The following CERS6 variants were observed in gnomAD, a reference collection of about 807,000 sequenced individuals.
CERS6 encodes the protein ceramide synthase 6.
In CERS6, 26 loss-of-function variants were observed where a neutral mutation model predicts 56.8. The observed-to-expected ratio is 0.46, with a 90% CI of 0.34 to 0.63. The LOEUF is 0.63. CERS6 is among the 30% of genes least tolerant of loss of function. The probability of loss-of-function intolerance (pLI) is 0.01; values close to 1 mark genes in which losing one functional copy is unlikely to be tolerated. For missense variants in CERS6, 415 were observed against 467.5 expected, an observed-to-expected ratio of 0.89 and a Z score of 1.04; for synonymous variants, 164 against 173.3, an observed-to-expected ratio of 0.95 and a Z score of 0.42.
chr2:168,638,086 T>C (rs190886879), intron 4 of CERS6, among the ~76,000 whole-genome samples: 1 of 152,270 alleles, frequency 6.6e-6, no homozygotes, highest in East Asian at 1.9e-4. Flanking sequence ...CAGCTGTTTA[T>C]GTTTGCCTAG....
At chr2:168,729,416 A>T (rs1683451326) in intron 8 of CERS6, among the ~76,000 whole-genome samples, 1 of 152,148 alleles carries the variant, frequency 6.6e-6, no homozygotes, top group South Asian at 2.1e-4. Context: ...CTCCATCCTC[A>T]CTTCCCATCA....
chr2:168,674,959 CTTATTTATTTATTTATTTAT>C (rs59783108), intron 4 of CERS6, among the ~76,000 whole-genome samples: 41 of 148,412 alleles, frequency 2.8e-4, no homozygotes, highest in Non-Finnish European at 4.6e-4. Flanking sequence ...TTTACATTAC[CTTATTTATTTATTTATTTAT>C]TTATTTATTT....
At chr2:168,659,276 A>C (rs1456298615) in intron 4 of CERS6, among the ~76,000 whole-genome samples, 4 of 152,206 alleles carry the variant, frequency 2.6e-5, no homozygotes, top group Non-Finnish European at 4.4e-5. Flanking sequence ...TAAAGTTATT[A>C]ATGCATGTGG....
intron 4 of CERS6, among the ~76,000 whole-genome samples, chr2:168,646,618 T>C (rs1228588521): frequency 6.6e-6 from 1 of 152,246 alleles, no homozygotes; most frequent in East Asian, 1.9e-4. Flanking sequence ...TGTGTGTTCC[T>C]GTGTCCAGGA....
intron 6 of CERS6, among the ~76,000 whole-genome samples, chr2:168,713,901 C>A (rs984860675): frequency 6.6e-6 from 1 of 152,074 alleles, no homozygotes; most frequent in African/African-American, 2.4e-5. Context: ...GATGCACATT[C>A]CAAGAAATCT....
At chr2:168,721,411 T>C (rs1687362426) in intron 8 of CERS6, among the ~76,000 whole-genome samples, 1 of 152,052 alleles carries the variant, frequency 6.6e-6, no homozygotes, top group Admixed American at 6.5e-5. Context: ...ATGCTGCTAT[T>C]AATGTTTGTA....
intron 3 of CERS6, among the ~76,000 whole-genome samples, chr2:168,584,966 T>C (rs1683506652): frequency 6.6e-6 from 1 of 152,226 alleles, no homozygotes; most frequent in Non-Finnish European, 1.5e-5. Flanking sequence ...TGAGCTCTCA[T>C]TGAAAGAGAT....
intron 3 of CERS6, among the ~76,000 whole-genome samples, chr2:168,576,540 CAAGATTTGTACATT>C (rs942212079): frequency 6.6e-6 from 1 of 152,144 alleles, no homozygotes; most frequent in African/African-American, 2.4e-5. Flanking sequence ...ACAGTCCAAT[CAAGATTTGTACATT>C]AAAGTTCTCT....
rs560089747 is a variant in CERS6 at position 168,709,541 on chromosome 2, T to C, written c.610-5460T>C. ...TGGCTGTGAGTATGTCCAGAAACAA[T>C]ATGGTAGAATAGCAGGAGGTTGAGG... On this transcript the variant is annotated intron_variant, in intron 6 of 9. Transcript: ENST00000305747. Among the ~76,000 whole-genome samples the C allele has an allele frequency of 2.6e-5, 4 of 151,964 alleles. No homozygotes were observed. The South Asian group carries it at 6.2e-4, about 24-fold the overall frequency.
intron 1 of CERS6, among the ~76,000 whole-genome samples, chr2:168,534,523 C>T (rs759091958): frequency 4.4e-4 from 67 of 151,890 alleles, no homozygotes; most frequent in Non-Finnish European, 8.1e-4. Flanking sequence ...TCATTTCAGG[C>T]CCTATTCATC....
At chr2:168,512,670 T>TTTTC in intron 1 of CERS6, among the ~76,000 whole-genome samples, 1 of 99,242 alleles carries the variant, frequency 1.0e-5, no homozygotes, top group Middle Eastern at 4.4e-3. Context: ...TTTTCTTTTC[T>TTTTC]TTTTTTTTTT....
Position 168,456,713 on chromosome 2 carries a change from A to G in CERS6, c.170+95A>G, listed in dbSNP as rs985216032. 7 of 1,233,418 alleles carry G rather than the reference A, an allele frequency of 5.7e-6. No individual in the cohort carries two copies. Among genetic ancestry groups the G allele is most frequent in the Non-Finnish European group, 8.0e-6 (7 of 877,410 alleles). 76.4% of individuals were successfully genotyped at this position (1,233,418 alleles called of 1,614,324 possible). On this transcript the variant is annotated intron_variant, in intron 1 of 9. Transcript: ENST00000305747. The surrounding 1 kb of genome is among the most constrained non-coding windows in gnomAD (Gnocchi z 4.1). ...TCTGGCGCACGCCCCCGCGCCCCCA[A>G]CGCTCGCGTTCACGCCTCCCAACCT...
At chr2:168,744,365 G>A (rs1371520887) in intron 8 of CERS6, among the ~76,000 whole-genome samples, 1 of 151,760 alleles carries the variant, frequency 6.6e-6, no homozygotes, top group Admixed American at 6.6e-5. Context: ...GTGGAGATAA[G>A]TACACCTTTT....
intron 3 of CERS6, among the ~76,000 whole-genome samples, chr2:168,623,987 A>G (rs1684533413): frequency 6.6e-6 from 1 of 152,190 alleles, no homozygotes; most frequent in Non-Finnish European, 1.5e-5. Flanking sequence ...GACCCTACCT[A>G]GGCTGTTAAG....
At chr2:168,666,938 T>A (rs1482116913) in intron 4 of CERS6, among the ~76,000 whole-genome samples, 1 of 152,200 alleles carries the variant, frequency 6.6e-6, no homozygotes, top group Non-Finnish European at 1.5e-5. Flanking sequence ...AATGCATATC[T>A]TGTGTTTATA....
chr2:168,555,895 C>T (rs193136260), intron 2 of CERS6, among the ~76,000 whole-genome samples: 2 of 151,766 alleles, frequency 1.3e-5, no homozygotes, highest in East Asian at 3.9e-4. Context: ...TTTCTTTGCC[C>T]AGGTGATTAG....
chr2:168,665,068 C>A (rs1253478832), intron 4 of CERS6, among the ~76,000 whole-genome samples: 3 of 152,160 alleles, frequency 2.0e-5, no homozygotes, highest in African/African-American at 4.8e-5. Context: ...CTCTTCTTTG[C>A]AGCCAAATCT....
In CERS6 at chr2:168,769,709, G is replaced by C. The variant is rs373049662; in HGVS notation, c.*47G>C. 93 of 1,582,666 alleles carry C rather than the reference G, an allele frequency of 5.9e-5. No individual in the cohort carries two copies. The highest frequency in any genetic ancestry group is 3.1e-4 in the Admixed American group (17 of 54,090). ...AAGCAAAGTGAACTATTTGTTCCTGGAAGTATTTAATAAGTTGCAAATGCA... is the reference window on the plus strand; with the variant it reads ...AAGCAAAGTGAACTATTTGTTCCTGCAAGTATTTAATAAGTTGCAAATGCA... On this transcript the variant is annotated 3_prime_UTR_variant, in exon 10 of 10. Coordinates refer to ENST00000305747, the MANE Select transcript of CERS6 (RefSeq NM_203463.3).
At chr2:168,517,881 C>T (rs772504040) in intron 1 of CERS6, among the ~76,000 whole-genome samples, 4 of 152,148 alleles carry the variant, frequency 2.6e-5, no homozygotes, top group Admixed American at 1.3e-4. Flanking sequence ...TTTTATTTGG[C>T]GGATATATAC....
Sources: allele counts gnomAD v4.1 joint callset (sites outside exome capture counted in the v4.1 genomes callset), GRCh38; gene constraint gnomAD v4.1.1; non-coding constraint Gnocchi (gnomAD v3.1); transcripts MANE v1.5; gene names NCBI Gene and HGNC (gene_info 2026-07-23, HGNC 2026-07-21).